Variants in DNMT3B observed in about 807,000 individuals in gnomAD.
The protein encoded by DNMT3B is DNA (cytosine-5)-methyltransferase 3B.
Under a neutral mutation model 120.2 loss-of-function variants are expected in DNMT3B, and 37 were observed. That is an observed-to-expected ratio of 0.31 (90% CI 0.24 to 0.40). The LOEUF (loss-of-function observed/expected upper bound fraction) is 0.40, where lower values mean the gene tolerates loss of function less well. Among genes scored for constraint, DNMT3B ranks in the 10% least tolerant of loss-of-function variants. The pLI is 1.00. For synonymous variants in DNMT3B, 412 were observed against 442.8 expected, an observed-to-expected ratio of 0.93 and a Z score of 0.87; for missense variants, 878 against 1,137.3, an observed-to-expected ratio of 0.77 and a Z score of 3.28.
intron 7 of DNMT3B, among the ~76,000 whole-genome samples, chr20:32,791,216 A>T (rs193028801): frequency 3.3e-5 from 5 of 152,372 alleles, no homozygotes; most frequent in Non-Finnish European, 2.9e-5. Flanking sequence ...GAAAGAAGGA[A>T]TATGTGCAAA....
chr20:32,784,876 C>T lies in DNMT3B; in HGVS notation c.306+17C>T, dbSNP rs755496502. On this transcript the variant is annotated intron_variant, in intron 4 of 22. Coordinates refer to ENST00000328111, the MANE Select transcript of DNMT3B (RefSeq NM_006892.4). ...AGCCCAGCTGTAAGTAGCCACACCT[C>T]GAGCCAAAGCACTTGTGGCCAACAC... is the stretch of plus-strand genomic sequence containing the variant. 2.4e-5 allele frequency: 39 copies of T among 1,613,232 alleles called. No homozygotes were observed. Among genetic ancestry groups the T allele is most frequent in the African/African-American group, 1.6e-4 (12 of 74,886 alleles).
At chr20:32,805,961 T>C (rs1981927711) in intron 21 of DNMT3B, among the ~76,000 whole-genome samples, 1 of 152,148 alleles carries the variant, frequency 6.6e-6, no homozygotes, top group Non-Finnish European at 1.5e-5. Flanking sequence ...CCTGTTAACG[T>C]CTTGGCATTT....
In DNMT3B at chr20:32,798,545, A is replaced by G. The variant is rs763775814; in HGVS notation, c.1576A>G (p.Met526Val). ...GCTTCAGGAGCCCTGGAGCTGTTACATGTGTCTCCCGCAGCGCTGTCATGG... is the reference window on the plus strand; with the variant it reads ...GCTTCAGGAGCCCTGGAGCTGTTACGTGTGTCTCCCGCAGCGCTGTCATGG... Reference protein sequence around the residue: ...AKLQEPWSCYMCLPQRCHGVL... With the variant: ...AKLQEPWSCYVCLPQRCHGVL... Residue 526 changes from methionine to valine, a missense_variant, in exon 15 of 23, where the codon ATG (methionine) becomes GTG (valine). Physicochemically the swap from Met to Val is conservative, Grantham distance 21. Coordinates refer to ENST00000328111, the MANE Select transcript of DNMT3B (RefSeq NM_006892.4). 8 of 1,614,230 alleles carry G rather than the reference A, an allele frequency of 5.0e-6. No individual in the cohort carries two copies. The highest frequency in any genetic ancestry group is 1.3e-5 in the African/African-American group (1 of 75,080).
At chr20:32,787,186 A>G in intron 5 of DNMT3B, 44 bp from the exon 6 acceptor site, 1 of 1,613,226 alleles carries the variant, frequency 6.2e-7, no homozygotes. Flanking sequence ...CTGGTCACCG[A>G]CATCCTTTGC....
At chr20:32,772,800 A>G (rs1987818762) in intron 1 of DNMT3B, among the ~76,000 whole-genome samples, 2 of 151,946 alleles carry the variant, frequency 1.3e-5, no homozygotes, top group Non-Finnish European at 2.9e-5. Flanking sequence ...TGCGTTGACA[A>G]ACATCTGAGT....
In DNMT3B at chr20:32,786,657, C is replaced by T. The variant is rs202161809; in HGVS notation, c.432+30C>T. On this transcript the variant is annotated intron_variant, in intron 5 of 22. Coordinates refer to ENST00000328111, the MANE Select transcript of DNMT3B (RefSeq NM_006892.4). ...GTTCCCCAGATGCCCAGACCCCTGC[C>T]CGCAGTCTCTAACTGGGAGATATGC... 3 of 1,613,286 alleles carry T rather than the reference C, an allele frequency of 1.9e-6. No homozygotes were observed. In the East Asian group the frequency reaches 6.7e-5, roughly 36 times the overall value.
chr20:32,805,694 CATT>C (rs1981896425), intron 21 of DNMT3B, among the ~76,000 whole-genome samples: 1 of 152,174 alleles, frequency 6.6e-6, no homozygotes, highest in Non-Finnish European at 1.5e-5. Flanking sequence ...AGAAAGGAAT[CATT>C]AATCCTTTTG....
chr20:32,783,646 G>GGC (rs1199815829), intron 3 of DNMT3B, among the ~76,000 whole-genome samples: 2 of 151,966 alleles, frequency 1.3e-5, no homozygotes, highest in Non-Finnish European at 2.9e-5. Context: ...CAGGATCAGA[G>GGC]GCTCAGCACT....
chr20:32,798,616 C>A lies in DNMT3B; in HGVS notation c.1647C>A (p.Phe549Leu), dbSNP rs773958724. 2.5e-6 allele frequency: 4 copies of A among 1,614,012 alleles called. No homozygotes were observed. In the South Asian group the frequency reaches 4.4e-5, roughly 18 times the overall value. ...RKDWNVRLQA[F>L]FTSDTGLEYE... Reference sequence around the variant, plus strand: ...ACTGGAACGTGCGCCTGCAGGCCTTCTTCACCAGTGACACGGGGCTTGAAT... The same window carrying A: ...ACTGGAACGTGCGCCTGCAGGCCTTATTCACCAGTGACACGGGGCTTGAAT... The change falls in exon 15 of 23, where the codon TTC (phenylalanine) becomes TTA (leucine). Residue 549 changes from phenylalanine (F) to leucine (L), a missense_variant. This residue lies in a region of DNMT3B where 334 missense variants were observed against 518.8 expected (regional missense o/e 0.64). Transcript: ENST00000328111.
chr20:32,764,201 C>T (rs1010966854), intron 1 of DNMT3B, among the ~76,000 whole-genome samples: 5 of 152,154 alleles, frequency 3.3e-5, no homozygotes, highest in African/African-American at 7.2e-5. Context: ...CATTGCTCTC[C>T]GTGCCTTAAT....
chr20:32,769,765 T>C (rs1987605243), intron 1 of DNMT3B, among the ~76,000 whole-genome samples: 1 of 152,120 alleles, frequency 6.6e-6, no homozygotes, highest in South Asian at 2.1e-4. Flanking sequence ...TTATTATTTT[T>C]GAGACAGCAT....
At chr20:32,781,296 G>C in intron 2 of DNMT3B, 57 bp from the exon 3 acceptor site, 4 of 1,597,976 alleles carry the variant, frequency 2.5e-6, no homozygotes, top group Non-Finnish European at 3.4e-6. Context: ...TAGCAAGGCC[G>C]TTCCCCAGAC....
At chr20:32,773,678 G>A (rs1243798360) in intron 1 of DNMT3B, among the ~76,000 whole-genome samples, 3 of 150,332 alleles carry the variant, frequency 2.0e-5, no homozygotes, top group Admixed American at 1.3e-4. Context: ...GTGGCATGAC[G>A]ATAGCTTTAC....
At chr20:32,782,415 G>A (rs1364036940) in intron 3 of DNMT3B, among the ~76,000 whole-genome samples, 1 of 152,190 alleles carries the variant, frequency 6.6e-6, no homozygotes, top group Non-Finnish European at 1.5e-5. Flanking sequence ...AAAACCTGCT[G>A]CTACATTTTC....
chr20:32,787,524 C>T, intron 6 of DNMT3B, 73 bp downstream of exon 6: 1 of 1,474,560 alleles, frequency 6.8e-7, no homozygotes, highest in Admixed American at 1.9e-5. Context: ...TTACCTGCTA[C>T]TGTTGGTAAC....
intron 3 of DNMT3B, among the ~76,000 whole-genome samples, chr20:32,782,148 A>G (rs995311210): frequency 1.3e-5 from 2 of 152,226 alleles, no homozygotes; most frequent in Non-Finnish European, 2.9e-5. Flanking sequence ...TGCACCTCAA[A>G]CTGCAAAAGT....
At chr20:32,802,570 G>T in intron 20 of DNMT3B, 100 bp downstream of exon 20, 1 of 1,238,318 alleles carries the variant, frequency 8.1e-7, no homozygotes, top group Non-Finnish European at 1.2e-6. Flanking sequence ...GCTCTGCTGA[G>T]AAATAGTTAT....
At chr20:32,793,281 G>A (rs1165608102) in intron 9 of DNMT3B, among the ~76,000 whole-genome samples, 2 of 152,104 alleles carry the variant, frequency 1.3e-5, no homozygotes, top group Non-Finnish European at 1.5e-5. Context: ...ATCACTTGAG[G>A]CGATCACCTG....
At position 32,809,285 on chromosome 20, in the gene DNMT3B, C is replaced by A. The variant is rs1002171741; in HGVS notation, c.*1382C>A. On this transcript the variant is annotated 3_prime_UTR_variant, in exon 23 of 23. Transcript: ENST00000328111. The stretch of plus-strand genomic sequence containing the variant: ...CTGTGCCTTGTTTCAACAGTTTTTG[C>A]TAATTTTTAGGCTGAAAGATGACGG... The A allele has an allele frequency of 4.6e-6, 1 of 216,852 alleles. No homozygotes were observed. Among genetic ancestry groups the A allele is most frequent in the Admixed American group, 5.8e-5 (1 of 17,222 alleles). The allele number at this position is 216,852 out of a possible 1,614,324, so 13.4% of individuals were successfully genotyped here.
Sources: gnomAD v4.1 joint callset for allele counts (sites outside exome capture counted in the v4.1 genomes callset) on GRCh38, gnomAD v4.1.1 for gene constraint, gnomAD v4.1.1 regional missense constraint, MANE v1.5 for transcripts, NCBI Gene and HGNC (gene_info 2026-07-23, HGNC 2026-07-21) for gene names.